The following RIMS2 variants were observed in gnomAD, a reference collection of about 807,000 sequenced individuals.
The protein encoded by RIMS2 is regulating synaptic membrane exocytosis 2, also known as regulating synaptic membrane exocytosis protein 2.
Under a neutral mutation model 174.4 loss-of-function variants are expected in RIMS2, and 59 were observed. The ratio of observed to expected loss-of-function variants is 0.34; its 90% CI spans 0.27 to 0.42. The LOEUF is 0.42. RIMS2 is among the 10% of genes least tolerant of loss of function. RIMS2 has a pLI of 1.00. For missense variants in RIMS2, 1,620 were observed against 1,666.3 expected (o/e 0.97, Z 0.48); for synonymous variants, 606 against 572.5 (o/e 1.06, Z -0.84).
exon 12 of RIMS2, chr8:103,931,318 C>T (rs753881938): frequency 6.2e-7 from 1 of 1,603,588 alleles, no homozygotes; most frequent in Non-Finnish European, 8.5e-7. Flanking sequence ...ATTTTGGGAG[C>T]AAAAGATCTC....
At chr8:104,206,714 G>A (rs1211106679) in intron 19 of RIMS2, among the ~76,000 whole-genome samples, 1 of 152,278 alleles carries the variant, frequency 6.6e-6, no homozygotes, top group East Asian at 1.9e-4. Flanking sequence ...ATATACCCAA[G>A]CCTGTCTGAT....
intron 1 of RIMS2, among the ~76,000 whole-genome samples, chr8:103,556,945 A>G (rs1274933952): frequency 7.2e-5 from 11 of 152,242 alleles, no homozygotes; most frequent in Non-Finnish European, 2.9e-5. Flanking sequence ...AGCTACTTCT[A>G]TGGGAATATG....
chr8:103,574,549 A>G (rs1233212231), intron 1 of RIMS2, among the ~76,000 whole-genome samples: 1 of 152,154 alleles, frequency 6.6e-6, no homozygotes, highest in Non-Finnish European at 1.5e-5. Context: ...CAAGAATGTC[A>G]TTCTCTGTCT....
chr8:103,762,133 A>T (rs576479146), intron 2 of RIMS2, among the ~76,000 whole-genome samples: 5 of 151,082 alleles, frequency 3.3e-5, no homozygotes, highest in Admixed American at 6.6e-5. Context: ...TTCCTTTCCT[A>T]ACATTCCTAA....
At chr8:104,049,723 T>C (rs773068801) in intron 19 of RIMS2, among the ~76,000 whole-genome samples, 1 of 152,060 alleles carries the variant, frequency 6.6e-6, no homozygotes, top group Non-Finnish European at 1.5e-5. Flanking sequence ...AATGAAAAAT[T>C]TTCCACTTCA....
chr8:103,874,120 A>G (rs1177723544), intron 3 of RIMS2, among the ~76,000 whole-genome samples: 1 of 151,902 alleles, frequency 6.6e-6, no homozygotes, highest in East Asian at 1.9e-4. Context: ...TATTGACTCC[A>G]TTTGGGGAAG....
chr8:103,857,282 G>A (rs1287739900), intron 3 of RIMS2, among the ~76,000 whole-genome samples: 1 of 152,100 alleles, frequency 6.6e-6, no homozygotes, highest in Non-Finnish European at 1.5e-5. Context: ...CTTTTATTGA[G>A]CTATTTGCTT....
At chr8:104,044,243 A>C (rs978036869) in intron 19 of RIMS2, among the ~76,000 whole-genome samples, 3 of 151,682 alleles carry the variant, frequency 2.0e-5, no homozygotes, top group Admixed American at 6.6e-5. Flanking sequence ...ATGCAGAAAG[A>C]ATTAGAGAAA....
chr8:103,542,413 A>C (rs1842957122), intron 1 of RIMS2, among the ~76,000 whole-genome samples: 1 of 152,220 alleles, frequency 6.6e-6, no homozygotes, highest in Admixed American at 6.5e-5. Flanking sequence ...AAACATGTAA[A>C]GAAGAACTGA....
At chr8:104,158,512 C>T (rs1032502678) in intron 19 of RIMS2, among the ~76,000 whole-genome samples, 7 of 152,182 alleles carry the variant, frequency 4.6e-5, no homozygotes, top group African/African-American at 1.7e-4. Flanking sequence ...ACACTCCTAC[C>T]AACAGTGTAA....
At chr8:103,847,582 A>T (rs2098974655) in intron 3 of RIMS2, among the ~76,000 whole-genome samples, 1 of 152,066 alleles carries the variant, frequency 6.6e-6, no homozygotes, top group South Asian at 2.1e-4. Context: ...GTATAAAGGC[A>T]CTTGCTGAGG....
rs148939459 is a variant in RIMS2, at chr8:103,520,864, A to G, written c.176+19802A>G. Among the ~76,000 whole-genome samples the G allele has an allele frequency of 6.2e-3, 951 of 152,274 alleles. 14 individuals carry two copies. The highest frequency in any genetic ancestry group is 0.022 in the African/African-American group (899 of 41,554). On this transcript the variant is annotated intron_variant, in intron 1 of 23. Transcript: ENST00000504942. ...GGAGCTCTGATTACCTTATATAAAC[A>G]TAGAAAGTTCAAAGACTATTCATTT...
At chr8:103,756,987 G>GTA (rs2139994298) in intron 2 of RIMS2, among the ~76,000 whole-genome samples, 1 of 113,918 alleles carries the variant, frequency 8.8e-6, no homozygotes, top group South Asian at 2.7e-4. Flanking sequence ...GTCTGTGTGT[G>GTA]TGTGTGTGTG....
At chr8:104,061,434 A>G (rs1485686576) in intron 19 of RIMS2, among the ~76,000 whole-genome samples, 1 of 152,020 alleles carries the variant, frequency 6.6e-6, no homozygotes, top group Non-Finnish European at 1.5e-5. Context: ...GTATTTTTTA[A>G]TTACACTTTT....
At chr8:104,062,050 A>G (rs909678014) in intron 19 of RIMS2, among the ~76,000 whole-genome samples, 29 of 152,176 alleles carry the variant, frequency 1.9e-4, no homozygotes, top group Admixed American at 3.3e-4. Flanking sequence ...TACAATGCCA[A>G]TAAGTTATAT....
intron 1 of RIMS2, among the ~76,000 whole-genome samples, chr8:103,675,746 T>C (rs867313603): frequency 1.1e-4 from 17 of 152,236 alleles, no homozygotes; most frequent in African/African-American, 3.6e-4. Flanking sequence ...CTTTTTTTTT[T>C]ACAAAGTATC....
intron 19 of RIMS2, among the ~76,000 whole-genome samples, chr8:104,127,889 A>T (rs2098444837): frequency 6.6e-6 from 1 of 152,118 alleles, no homozygotes; most frequent in Non-Finnish European, 1.5e-5. Flanking sequence ...CCTGATACTG[A>T]CTCTGCCCAA....
chr8:104,202,006 A>G (rs1417672367), intron 19 of RIMS2, among the ~76,000 whole-genome samples: 3 of 152,178 alleles, frequency 2.0e-5, no homozygotes, highest in Non-Finnish European at 4.4e-5. Flanking sequence ...CAATTTGTTT[A>G]GATAAAATAG....
chr8:103,832,191 C>A (rs565038786), intron 3 of RIMS2, among the ~76,000 whole-genome samples: 19 of 152,264 alleles, frequency 1.2e-4, no homozygotes, highest in Admixed American at 8.5e-4. Flanking sequence ...ACTTTAAGAG[C>A]ATAATTGGCT....
Sources: allele counts gnomAD v4.1 joint callset (sites outside exome capture counted in the v4.1 genomes callset), GRCh38; gene constraint gnomAD v4.1.1; transcripts MANE v1.5; gene names NCBI Gene and HGNC (gene_info 2026-07-23, HGNC 2026-07-21).